DEFB124: variants seen among roughly 807,000 people sequenced by gnomAD.
The protein encoded by DEFB124 is beta-defensin 124.
For synonymous variants in DEFB124, 38 were observed against 36.5 expected (o/e 1.04, Z -0.15); for missense variants, 78 against 83.1 (o/e 0.94, Z 0.24).
At chr20:31,470,939 T>A (rs1218442862) in intron 2 of DEFB124, among the ~76,000 whole-genome samples, 1 of 124,400 alleles carries the variant, frequency 8.0e-6, no homozygotes, top group Admixed American at 8.0e-5. Flanking sequence ...GGCTCCTCAC[T>A]TCCCAGTAGG....
At position 31,473,035 on chromosome 20, in the gene DEFB124, G is replaced by T. The variant is rs775766355; in HGVS notation, c.-22C>A. 6.2e-7 allele frequency: 1 copy of T among 1,613,262 alleles called. No individual in the cohort carries two copies. Among genetic ancestry groups the T allele is most frequent in the South Asian group, 1.1e-5 (1 of 90,980 alleles). On this transcript the variant is annotated 5_prime_UTR_variant, in exon 2 of 3. Coordinates refer to ENST00000317676, the MANE Select transcript of DEFB124 (RefSeq NM_001037500.2). ...TCATGGCCACGGGGCTCCTGGGGAG[G>T]CTGCTGGAGAGAGCACAAGAGGAAA... is the stretch of plus-strand genomic sequence containing the variant.
At chr20:31,471,476 C>T (rs906865548) in intron 2 of DEFB124, among the ~76,000 whole-genome samples, 3 of 138,668 alleles carry the variant, frequency 2.2e-5, no homozygotes, top group Admixed American at 2.1e-4. Context: ...CCCCCACCTC[C>T]CTCCCGGACG....
chr20:31,470,463 C>T (rs1600567495), intron 2 of DEFB124, among the ~76,000 whole-genome samples: 1 of 134,432 alleles, frequency 7.4e-6, no homozygotes, highest in East Asian at 2.3e-4. Flanking sequence ...GACGGGGTGG[C>T]TGGCCTGGCA....
intron 2 of DEFB124, among the ~76,000 whole-genome samples, chr20:31,471,431 C>T (rs1370232182): frequency 1.6e-5 from 2 of 128,414 alleles, no homozygotes; most frequent in African/African-American, 3.2e-5. Context: ...ACCTCCCTCC[C>T]GGACGGGGCG....
chr20:31,470,239 T>C (rs1169143595), intron 2 of DEFB124, among the ~76,000 whole-genome samples: 12 of 134,298 alleles, frequency 8.9e-5, no homozygotes, highest in African/African-American at 3.5e-4. Context: ...ACAAGGCGGC[T>C]GGCCGGGCGG....
At chr20:31,472,927 A>G (rs998760230) in intron 2 of DEFB124, 29 bp downstream of exon 2, 1 of 1,612,292 alleles carries the variant, frequency 6.2e-7, no homozygotes, top group Non-Finnish European at 8.5e-7. Flanking sequence ...GCACACACAC[A>G]CACACACACA....
At chr20:31,471,129 C>T (rs1323042410) in intron 2 of DEFB124, among the ~76,000 whole-genome samples, 5 of 127,088 alleles carry the variant, frequency 3.9e-5, no homozygotes, top group African/African-American at 6.0e-5. Flanking sequence ...GCTGGCCGGG[C>T]GGGGGGTTGA....
intron 2 of DEFB124, 90 bp from the exon 3 acceptor site, chr20:31,465,753 C>G: frequency 6.8e-7 from 1 of 1,481,158 alleles, no homozygotes; most frequent in Non-Finnish European, 9.2e-7. Context: ...TTCACTAACA[C>G]TGGTCACAAG....
At chr20:31,470,374 C>A (rs1980213373) in intron 2 of DEFB124, among the ~76,000 whole-genome samples, 1 of 142,002 alleles carries the variant, frequency 7.0e-6, no homozygotes, top group African/African-American at 2.7e-5. Context: ...GCTGGCCGGG[C>A]GGGGGGCTGA....
At chr20:31,466,148 C>T (rs1255500616) in intron 2 of DEFB124, among the ~76,000 whole-genome samples, 5 of 152,158 alleles carry the variant, frequency 3.3e-5, no homozygotes, top group African/African-American at 1.2e-4. Flanking sequence ...CAGAGGGAGA[C>T]TCCATCTCAA....
chr20:31,471,326 C>T (rs1166975743), intron 2 of DEFB124, among the ~76,000 whole-genome samples: 1 of 73,932 alleles, frequency 1.4e-5, no homozygotes. Flanking sequence ...CCCCCCCCAC[C>T]TCCCTCCCGG....
chr20:31,471,645 A>T (rs1409523076), intron 2 of DEFB124, among the ~76,000 whole-genome samples: 3 of 140,016 alleles, frequency 2.1e-5, no homozygotes, highest in African/African-American at 8.5e-5. Flanking sequence ...CACTTCTCAG[A>T]CGGGGCAGCT....
At chr20:31,470,716 A>C (rs1600567991) in intron 2 of DEFB124, among the ~76,000 whole-genome samples, 1 of 110,908 alleles carries the variant, frequency 9.0e-6, no homozygotes. Flanking sequence ...TGACTCCCCC[A>C]CCTCCCTCCC....
intron 2 of DEFB124, among the ~76,000 whole-genome samples, chr20:31,467,678 A>G (rs1980115695): frequency 6.6e-6 from 1 of 152,210 alleles, no homozygotes; most frequent in Non-Finnish European, 1.5e-5. Context: ...AACTTGCCCA[A>G]GCTCCCATAG....
At chr20:31,469,188 C>T (rs540243152) in intron 2 of DEFB124, among the ~76,000 whole-genome samples, 6 of 152,088 alleles carry the variant, frequency 3.9e-5, no homozygotes, top group Admixed American at 6.5e-5. Context: ...TTTGGGAGGC[C>T]GGGGTGGGTC....
In DEFB124 at chr20:31,465,583, G is replaced by C; in HGVS notation, c.139C>G (p.Leu47Val). The change falls in exon 3 of 3, where the codon CTG (leucine) becomes GTG (valine). Residue 47 changes from leucine (L) to valine (V), a missense_variant. Coordinates refer to ENST00000317676, the MANE Select transcript of DEFB124 (RefSeq NM_001037500.2). The part of the protein sequence containing the change: ...YCTRQETYMH[L>V]CPDASLCCLS... ...CAGCACAGGGACGCATCCGGGCACA[G>C]GTGCATGTAAGTTTCTTGCCTTGTG... is the stretch of plus-strand genomic sequence containing the variant. The C allele has an allele frequency of 6.2e-7, 1 of 1,614,214 alleles. No individual in the cohort carries two copies.
chr20:31,470,251 G>A (rs1203929004), intron 2 of DEFB124, among the ~76,000 whole-genome samples: 1 of 144,160 alleles, frequency 6.9e-6, no homozygotes, highest in Non-Finnish European at 1.5e-5. Flanking sequence ...GCCGGGCGGG[G>A]GGCTGACCCC....
At chr20:31,470,173 C>T (rs1446018310) in intron 2 of DEFB124, among the ~76,000 whole-genome samples, 5 of 140,522 alleles carry the variant, frequency 3.6e-5, no homozygotes, top group Middle Eastern at 3.8e-3. Flanking sequence ...TGCCCCTCAC[C>T]TCCCGGACGG....
chr20:31,467,571 A>G lies in DEFB124; in HGVS notation c.59-1908T>C, dbSNP rs554567219. 5.3e-5 allele frequency among the ~76,000 whole-genome samples: 8 copies of G among 152,304 alleles called. No homozygotes were observed. In the South Asian group the frequency reaches 1.7e-3, roughly 32 times the overall value. ...CTGGCACGTAGTAAATGCTCAATAA[A>G]TAGGAGGCAAGATTATCAGCATGAC... On this transcript the variant is annotated intron_variant, in intron 2 of 2. Coordinates refer to ENST00000317676, the MANE Select transcript of DEFB124 (RefSeq NM_001037500.2).
Sources: gnomAD v4.1 joint callset for allele counts (sites outside exome capture counted in the v4.1 genomes callset) on GRCh38, gnomAD v4.1.1 for gene constraint, MANE v1.5 for transcripts, NCBI Gene and HGNC (gene_info 2026-07-23, HGNC 2026-07-21) for gene names.